The following CEP112 variants were observed in gnomAD, a reference collection of about 807,000 sequenced individuals.
CEP112 encodes the protein centrosomal protein of 112 kDa.
A neutral mutation model predicts 153.0 loss-of-function variants in CEP112; 127 were observed. That is an observed-to-expected ratio of 0.83 (90% CI 0.72 to 0.96). The LOEUF is 0.96. Among genes scored for constraint, CEP112 ranks in the 40% least tolerant of loss-of-function variants. CEP112 has a pLI of 0.00. For missense variants in CEP112, 1,089 were observed against 1,101.2 expected (o/e 0.99, Z 0.16); for synonymous variants, 358 against 374.4 (o/e 0.96, Z 0.51).
intron 4 of CEP112, among the ~76,000 whole-genome samples, chr17:66,165,827 T>C (rs1163926323): frequency 6.6e-6 from 1 of 152,166 alleles, no homozygotes; most frequent in Non-Finnish European, 1.5e-5. Context: ...CCACAATGCA[T>C]TCCTGGAAAA....
intron 17 of CEP112, among the ~76,000 whole-genome samples, chr17:65,970,193 ATGCT>A (rs2062622540): frequency 8.1e-6 from 1 of 122,972 alleles, no homozygotes; most frequent in African/African-American, 2.6e-5. Context: ...ACATGCATAT[ATGCT>A]GCATGCATGT....
intron 19 of CEP112, among the ~76,000 whole-genome samples, chr17:65,920,680 C>A (rs1288598193): frequency 6.6e-6 from 1 of 151,856 alleles, no homozygotes. Context: ...GAAAACTCTT[C>A]TCTGAACATG....
intron 23 of CEP112, among the ~76,000 whole-genome samples, chr17:65,723,111 T>C (rs572135045): frequency 9.7e-4 from 148 of 152,170 alleles, no homozygotes; most frequent in Non-Finnish European, 1.6e-3. Context: ...ATCCATCTTG[T>C]GATGTTAATG....
chr17:65,676,302 T>C (rs968137127), intron 24 of CEP112, among the ~76,000 whole-genome samples: 7 of 147,006 alleles, frequency 4.8e-5, no homozygotes, highest in African/African-American at 1.5e-4. Context: ...CACTCCAGCC[T>C]GGGTGAAAGA....
intron 21 of CEP112, among the ~76,000 whole-genome samples, chr17:65,801,183 T>G (rs564897953): frequency 1.3e-5 from 2 of 152,128 alleles, no homozygotes; most frequent in African/African-American, 2.4e-5. Flanking sequence ...TTCAGCTTCC[T>G]GAGTGGCTGG....
intron 5 of CEP112, among the ~76,000 whole-genome samples, chr17:66,131,460 G>A (rs2070158336): frequency 6.6e-6 from 1 of 152,122 alleles, no homozygotes. Context: ...GTCATGTGTT[G>A]GCCGGGGGCA....
chr17:65,805,700 C>T (rs764594394), intron 21 of CEP112, among the ~76,000 whole-genome samples: 2 of 152,144 alleles, frequency 1.3e-5, no homozygotes, highest in Non-Finnish European at 2.9e-5. Flanking sequence ...TATTCCTGTA[C>T]TTCCTTTTAT....
At chr17:66,043,982 T>C (rs561783075) in intron 12 of CEP112, among the ~76,000 whole-genome samples, 1 of 152,310 alleles carries the variant, frequency 6.6e-6, no homozygotes, top group East Asian at 1.9e-4. Flanking sequence ...GCAAGACCTG[T>C]CTACTTTTGA....
intron 21 of CEP112, among the ~76,000 whole-genome samples, chr17:65,770,234 T>C (rs1294812366): frequency 6.6e-6 from 1 of 151,126 alleles, no homozygotes; most frequent in Non-Finnish European, 1.5e-5. Context: ...AAGAAATAAA[T>C]ATAAAATCTT....
intron 24 of CEP112, among the ~76,000 whole-genome samples, chr17:65,643,226 T>A (rs1423121335): frequency 6.6e-6 from 1 of 152,226 alleles, no homozygotes; most frequent in African/African-American, 2.4e-5. Flanking sequence ...TGGAGGCAGA[T>A]TCTTCCTGAG....
chr17:65,881,408 G>A (rs1024244680), intron 20 of CEP112, among the ~76,000 whole-genome samples: 1 of 151,954 alleles, frequency 6.6e-6, no homozygotes, highest in African/African-American at 2.4e-5. Flanking sequence ...ACAGGTGTGT[G>A]TGTGTGTGTG....
intron 23 of CEP112, among the ~76,000 whole-genome samples, chr17:65,696,675 C>T (rs188107699): frequency 6.9e-4 from 105 of 152,262 alleles, no homozygotes; most frequent in African/African-American, 2.4e-3. Context: ...ACTGAAGATG[C>T]TGCCAAGAAG....
chr17:65,917,102 T>G (rs2060522744), intron 19 of CEP112, among the ~76,000 whole-genome samples: 2 of 152,166 alleles, frequency 1.3e-5, no homozygotes, highest in Admixed American at 6.5e-5. Context: ...ACTTTGCCAT[T>G]GCCTGCAGGA....
intron 18 of CEP112, among the ~76,000 whole-genome samples, chr17:65,939,770 G>T (rs1345574845): frequency 1.3e-5 from 2 of 152,062 alleles, no homozygotes; most frequent in African/African-American, 4.8e-5. Context: ...AAATATAAAA[G>T]TTGAAGCTCT....
At chr17:65,987,262 A>G (rs575874918) in intron 17 of CEP112, among the ~76,000 whole-genome samples, 1 of 152,172 alleles carries the variant, frequency 6.6e-6, no homozygotes, top group Admixed American at 6.5e-5. Flanking sequence ...TGAAAAATAG[A>G]AAAGAAGCAA....
intron 1 of CEP112, among the ~76,000 whole-genome samples, chr17:66,190,866 C>T (rs1394856987): frequency 6.6e-6 from 1 of 152,196 alleles, no homozygotes; most frequent in African/African-American, 2.4e-5. Flanking sequence ...ATTCATATCA[C>T]ACTCCTTGCC....
At chr17:65,702,828 G>A (rs1486387391) in intron 23 of CEP112, among the ~76,000 whole-genome samples, 1 of 152,076 alleles carries the variant, frequency 6.6e-6, no homozygotes, top group Non-Finnish European at 1.5e-5. Flanking sequence ...GAATGTGTAA[G>A]GGAACTGCCC....
chr17:65,644,406 C>A, intron 24 of CEP112: 1 of 536,650 alleles, frequency 1.9e-6, no homozygotes. Context: ...TGGAGATGAA[C>A]TCGGACCTCA....
chr17:65,864,747 T>C (rs1376858676), intron 20 of CEP112, among the ~76,000 whole-genome samples: 15 of 152,166 alleles, frequency 9.9e-5, no homozygotes, highest in Non-Finnish European at 8.8e-5. Context: ...GGCATCTTTA[T>C]TATTACAAGG....
Sources: allele counts gnomAD v4.1 joint callset (sites outside exome capture counted in the v4.1 genomes callset), GRCh38; gene constraint gnomAD v4.1.1; transcripts MANE v1.5; gene names NCBI Gene and HGNC (gene_info 2026-07-23, HGNC 2026-07-21).